R3HDM2: variants seen among roughly 807,000 people sequenced by gnomAD.
The protein encoded by R3HDM2 is R3H domain containing 2.
Under a neutral mutation model 124.5 loss-of-function variants are expected in R3HDM2, and 38 were observed. The observed-to-expected ratio is 0.31, with a 90% CI of 0.24 to 0.40. The LOEUF is 0.40. R3HDM2 is among the 10% of genes least tolerant of loss of function. The pLI is 1.00. For synonymous variants in R3HDM2, 391 were observed against 448.0 expected (o/e 0.87, Z 1.61); for missense variants, 869 against 1,236.9 (o/e 0.70, Z 4.46).
intron 1 of R3HDM2, among the ~76,000 whole-genome samples, chr12:57,410,536 G>GTTAAGAAGTATATTTA (rs1262607924): frequency 2.6e-5 from 4 of 152,158 alleles, no homozygotes; most frequent in Non-Finnish European, 4.4e-5. Context: ...CAGGTGAAGT[G>GTTAAGAAGTATATTTA]TTAAGAAGTA....
intron 2 of R3HDM2, among the ~76,000 whole-genome samples, chr12:57,313,582 A>G (rs999472072): frequency 1.3e-4 from 20 of 151,554 alleles, no homozygotes; most frequent in Non-Finnish European, 2.5e-4. Flanking sequence ...AAAAAATAAT[A>G]ATAATAAATA....
intron 1 of R3HDM2, among the ~76,000 whole-genome samples, chr12:57,401,522 CAG>C (rs1490511995): frequency 6.6e-5 from 10 of 152,328 alleles, no homozygotes; most frequent in Middle Eastern, 6.8e-3. Flanking sequence ...CAAACTGTGA[CAG>C]AGTCTTGCTC....
intron 2 of R3HDM2, among the ~76,000 whole-genome samples, chr12:57,383,021 T>C (rs941172940): frequency 6.6e-6 from 1 of 152,008 alleles, no homozygotes. Context: ...ATAGCTGGGT[T>C]TACAGGCATG....
chr12:57,335,097 G>A, intron 2 of R3HDM2, among the ~76,000 whole-genome samples: 1 of 151,342 alleles, frequency 6.6e-6, no homozygotes, highest in Non-Finnish European at 1.5e-5. Flanking sequence ...AGCTATGATT[G>A]GGCCATTGCA....
chr12:57,292,699 G>A, intron 10 of R3HDM2, 32 bp from the exon 11 acceptor site: 1 of 1,422,152 alleles, frequency 7.0e-7, no homozygotes, highest in Non-Finnish European at 9.7e-7. Flanking sequence ...AGCTAGTTAA[G>A]TTCTCCTCGT....
chr12:57,269,680 G>A (rs1439456155), intron 15 of R3HDM2, 72 bp downstream of exon 15: 3 of 1,592,594 alleles, frequency 1.9e-6, no homozygotes, highest in Non-Finnish European at 2.6e-6. Context: ...TGTCTAAACT[G>A]GAGGAATAAA....
At chr12:57,398,879 C>T (rs1226671259) in intron 1 of R3HDM2, among the ~76,000 whole-genome samples, 1 of 152,182 alleles carries the variant, frequency 6.6e-6, no homozygotes, top group Admixed American at 6.6e-5. Flanking sequence ...CTCTGTGGGG[C>T]CCAAATCCAA....
chr12:57,416,021 ATAATAT>A (rs1466342836), intron 1 of R3HDM2, among the ~76,000 whole-genome samples: 2 of 152,246 alleles, frequency 1.3e-5, no homozygotes, highest in African/African-American at 2.4e-5. Context: ...TGGACTGTTT[ATAATAT>A]TATTATATCA....
At chr12:57,415,965 G>A (rs1021395057) in intron 1 of R3HDM2, among the ~76,000 whole-genome samples, 2 of 152,120 alleles carry the variant, frequency 1.3e-5, no homozygotes, top group Admixed American at 6.6e-5. Flanking sequence ...CAGGATTGTG[G>A]GGGTAAGTTG....
chr12:57,359,853 T>C (rs1179789396), intron 2 of R3HDM2, among the ~76,000 whole-genome samples: 4 of 151,820 alleles, frequency 2.6e-5, no homozygotes, highest in Admixed American at 1.3e-4. Context: ...AGTGGTTTAT[T>C]TAGTGTATAC....
chr12:57,263,304 A>G (rs1447387464), intron 19 of R3HDM2, among the ~76,000 whole-genome samples: 1 of 152,232 alleles, frequency 6.6e-6, no homozygotes, highest in Admixed American at 6.5e-5. Context: ...CATAGGCTAC[A>G]GTGCTTCTTG....
At chr12:57,320,439 T>TAG (rs1302040148) in intron 2 of R3HDM2, among the ~76,000 whole-genome samples, 3 of 151,964 alleles carry the variant, frequency 2.0e-5, no homozygotes, top group Non-Finnish European at 2.9e-5. Context: ...TAATGGTGAC[T>TAG]AGAACAAAGC....
At chr12:57,430,489 G>GCCCCCCCCCCCCCCC in intron 1 of R3HDM2, 5 of 790,574 alleles carry the variant, frequency 6.3e-6, no homozygotes, top group African/African-American at 1.9e-5. Context: ...CCACCCCCCT[G>GCCCCCCCCCCCCCCC]CCCCCGCACC....
At chr12:57,256,822 C>CTTTTT (rs757111053) in intron 21 of R3HDM2, among the ~76,000 whole-genome samples, 1 of 141,190 alleles carries the variant, frequency 7.1e-6, no homozygotes, top group Non-Finnish European at 1.6e-5. Flanking sequence ...TTTTATCTCT[C>CTTTTT]TTTTTTTTTT....
At chr12:57,299,992 T>G in intron 5 of R3HDM2, 103 bp downstream of exon 5, 1 of 898,426 alleles carries the variant, frequency 1.1e-6, no homozygotes, top group Non-Finnish European at 1.8e-6. Flanking sequence ...TGAAGTACCT[T>G]CTACCCTGAT....
At chr12:57,321,718 A>G (rs953179064) in intron 2 of R3HDM2, among the ~76,000 whole-genome samples, 1 of 152,112 alleles carries the variant, frequency 6.6e-6, no homozygotes, top group African/African-American at 2.4e-5. Context: ...AATTAAAGAA[A>G]GTAGACTCTC....
intron 14 of R3HDM2, among the ~76,000 whole-genome samples, chr12:57,280,010 T>C (rs545071969): frequency 1.3e-5 from 2 of 152,242 alleles, no homozygotes; most frequent in East Asian, 3.9e-4. Flanking sequence ...CAAGTTCCAA[T>C]ATATAGATGT....
At chr12:57,383,603 G>C (rs959056722) in intron 2 of R3HDM2, among the ~76,000 whole-genome samples, 1 of 152,146 alleles carries the variant, frequency 6.6e-6, no homozygotes, top group Non-Finnish European at 1.5e-5. Context: ...AGCTGCTCGG[G>C]AGGCTGAGGC....
At chr12:57,386,748 T>C (rs1184057882) in intron 2 of R3HDM2, among the ~76,000 whole-genome samples, 2 of 152,216 alleles carry the variant, frequency 1.3e-5, no homozygotes, top group Non-Finnish European at 2.9e-5. Context: ...TGGTGGGGAC[T>C]TGGAGAATCT....
Sources: allele counts gnomAD v4.1 joint callset (sites outside exome capture counted in the v4.1 genomes callset), GRCh38; gene constraint gnomAD v4.1.1; transcripts MANE v1.5; gene names NCBI Gene and HGNC (gene_info 2026-07-23, HGNC 2026-07-21).